Variants in LRRIQ1 observed in about 807,000 individuals in gnomAD.
LRRIQ1 encodes leucine-rich repeat- and IQ domain-containing protein 1.
Under a neutral mutation model 211.9 loss-of-function variants are expected in LRRIQ1, and 210 were observed. The observed-to-expected ratio is 0.99, with a 90% CI of 0.89 to 1.11. The LOEUF (loss-of-function observed/expected upper bound fraction) is 1.11. LRRIQ1 is among the 50% of genes most tolerant of loss of function. The probability of loss-of-function intolerance (pLI) is 0.00; values close to 1 mark genes in which losing one functional copy is unlikely to be tolerated. For synonymous variants in LRRIQ1, 699 were observed against 650.1 expected (o/e 1.08, Z -1.14); for missense variants, 2,136 against 1,939.5 (o/e 1.10, Z -1.90).
chr12:85,045,421 A>G (rs1879423072), intron 4 of LRRIQ1, among the ~76,000 whole-genome samples: 1 of 151,658 alleles, frequency 6.6e-6, no homozygotes, highest in Admixed American at 6.6e-5. Flanking sequence ...AAAATTTCTT[A>G]TATATCTCAT....
At chr12:85,151,012 C>G (rs907714485) in intron 19 of LRRIQ1, among the ~76,000 whole-genome samples, 1 of 151,280 alleles carries the variant, frequency 6.6e-6, no homozygotes, top group Admixed American at 6.6e-5. Flanking sequence ...CAAGAATATA[C>G]TATATTGTTA....
At chr12:85,078,331 G>A (rs1366370247) in intron 11 of LRRIQ1, among the ~76,000 whole-genome samples, 1 of 152,088 alleles carries the variant, frequency 6.6e-6, no homozygotes, top group Non-Finnish European at 1.5e-5. Flanking sequence ...ATAATGAGGT[G>A]AAGTTACCCT....
In LRRIQ1 at chr12:85,153,043, G is replaced by T. The variant is rs1276517991; in HGVS notation, c.4439G>T (p.Trp1480Leu). Residue 1480 changes from tryptophan (W) to leucine (L), a missense_variant, in exon 21 of 27, where the codon TGG (tryptophan) becomes TTG (leucine). Transcript: ENST00000393217. ...HWPKIPGNLK[W>L]DDTSFNLPSN... ...GAAAAGATTCCTGGAAACTTAAAAT[G>T]GGATGATACTTCATTTAATTTACCA... 1 of 1,558,118 alleles carries T rather than the reference G, an allele frequency of 6.4e-7. No homozygotes were observed. The highest frequency in any genetic ancestry group is 8.7e-7 in the Non-Finnish European group (1 of 1,145,556).
At chr12:85,051,363 G>A in intron 6 of LRRIQ1, among the ~76,000 whole-genome samples, 1 of 152,108 alleles carries the variant, frequency 6.6e-6, no homozygotes, top group Admixed American at 6.6e-5. Flanking sequence ...AGCCTCAGGT[G>A]TTCCTTTACA....
At chr12:85,052,314 C>A in intron 7 of LRRIQ1, 63 bp downstream of exon 7, 1 of 838,618 alleles carries the variant, frequency 1.2e-6, no homozygotes, top group Non-Finnish European at 1.9e-6. Flanking sequence ...CATTACTATG[C>A]TTGAAATGGT....
At position 85,198,592 on chromosome 12, in the gene LRRIQ1, GA is replaced by G. The variant is rs1471755065; in HGVS notation, c.4823-30924del. ...TTAAGCATTTTTTTTTTTTGAGACA[GA>G]GTCTCGCTCTGTTTCCCAGGCTGGA... On this transcript the variant is annotated intron_variant, in intron 24 of 26. Transcript: ENST00000393217. 2.7e-5 allele frequency among the ~76,000 whole-genome samples: 4 copies of G among 147,900 alleles called. No homozygotes were observed. In the Admixed American group the frequency reaches 2.7e-4, roughly 10 times the overall value.
intron 24 of LRRIQ1, among the ~76,000 whole-genome samples, chr12:85,175,304 G>A (rs920039028): frequency 1.3e-5 from 2 of 152,110 alleles, no homozygotes; most frequent in Non-Finnish European, 2.9e-5. Context: ...CGGGCTTAGA[G>A]AATAAACATT....
In LRRIQ1 at chr12:85,056,830, T is replaced by C. The variant is rs758356512; in HGVS notation, c.2037T>C (p.Gly679=). The C allele has an allele frequency of 6.2e-6, 10 of 1,612,944 alleles. No individual in the cohort carries two copies. In the South Asian group the frequency reaches 1.1e-4, roughly 18 times the overall value. Residue 679 remains glycine (G), a synonymous_variant, in exon 8 of 27, where the codon GGT becomes GGC. Coordinates refer to ENST00000393217, the MANE Select transcript of LRRIQ1 (RefSeq NM_001079910.2). Reference sequence around the variant, plus strand: ...GAAATGACCAAGATTATGTGTTAGGTAGACATGCTCCTTGTGAGGGCTTGA... The same window carrying C: ...GAAATGACCAAGATTATGTGTTAGGCAGACATGCTCCTTGTGAGGGCTTGA... ...GKRNDQDYVL[G]RHAPCEGLSN... is the part of the protein sequence containing the mutation.
At chr12:85,140,610 C>T (rs1206669083) in intron 19 of LRRIQ1, among the ~76,000 whole-genome samples, 1 of 151,088 alleles carries the variant, frequency 6.6e-6, no homozygotes, top group African/African-American at 2.4e-5. Flanking sequence ...ATCCTGATTA[C>T]TGCTTCCATT....
chr12:85,133,030 T>A (rs1888882169), intron 18 of LRRIQ1, among the ~76,000 whole-genome samples: 1 of 152,072 alleles, frequency 6.6e-6, no homozygotes, highest in South Asian at 2.1e-4. Context: ...TATACAATGT[T>A]AAATATCACA....
At chr12:85,209,281 G>A (rs971921157) in intron 24 of LRRIQ1, among the ~76,000 whole-genome samples, 4 of 152,176 alleles carry the variant, frequency 2.6e-5, no homozygotes, top group African/African-American at 7.2e-5. Context: ...CATGGCAGAA[G>A]GAGAAGCAAA....
chr12:85,098,450 T>C lies in LRRIQ1; in HGVS notation c.2983T>C (p.Tyr995His). The C allele has an allele frequency of 6.2e-7, 1 of 1,611,418 alleles. No individual in the cohort carries two copies. Among genetic ancestry groups the C allele is most frequent in the South Asian group, 1.1e-5 (1 of 91,030 alleles). ...KGLCDTPTIV[Y>H]LDCSHNHLTD... Reference sequence around the variant, plus strand: ...TCTTTGTGATACACCTACCATTGTATACCTAGATTGCTCCCATAATCATCT... The same window carrying C: ...TCTTTGTGATACACCTACCATTGTACACCTAGATTGCTCCCATAATCATCT... Residue 995 changes from tyrosine (Y) to histidine (H), a missense_variant, in exon 12 of 27, where the codon TAC (tyrosine) becomes CAC (histidine). Coordinates refer to ENST00000393217, the MANE Select transcript of LRRIQ1 (RefSeq NM_001079910.2).
intron 10 of LRRIQ1, among the ~76,000 whole-genome samples, chr12:85,068,425 T>C (rs1017279131): frequency 6.6e-6 from 1 of 151,946 alleles, no homozygotes; most frequent in African/African-American, 2.4e-5. Context: ...TTTATAAATG[T>C]ACAATAATAC....
chr12:85,223,183 T>C (rs909865320), intron 24 of LRRIQ1, among the ~76,000 whole-genome samples: 1 of 152,168 alleles, frequency 6.6e-6, no homozygotes, highest in Non-Finnish European at 1.5e-5. Context: ...TACCTAGTCC[T>C]CTCAGCTGTT....
chr12:85,232,709 C>T lies in LRRIQ1; in HGVS notation c.4969C>T (p.Pro1657Ser), dbSNP rs1374083394. The change falls in exon 26 of 27, where the codon CCT becomes TCT. Residue 1657 changes from proline (P) to serine (S), a missense_variant. Transcript: ENST00000393217. The part of the protein sequence containing the change: ...SRNMKCNHFL[P>S]ELDPDVLNGG... ...GTCACTATGCAGCAATCACTTTTTG[C>T]CTGAGTTAGATCCAGATGTACTTAA... 6.2e-7 allele frequency: 1 copy of T among 1,611,480 alleles called. No homozygotes were observed. Among genetic ancestry groups the T allele is most frequent in the South Asian group, 1.1e-5 (1 of 90,762 alleles).
chr12:85,091,433 C>G (rs1885378561), intron 11 of LRRIQ1, among the ~76,000 whole-genome samples: 1 of 152,054 alleles, frequency 6.6e-6, no homozygotes, highest in Non-Finnish European at 1.5e-5. Context: ...ATATTTTCTC[C>G]TATTCTATAG....
chr12:85,187,461 T>G (rs1318931569), intron 24 of LRRIQ1, among the ~76,000 whole-genome samples: 1 of 152,068 alleles, frequency 6.6e-6, no homozygotes, highest in African/African-American at 2.4e-5. Context: ...GAAATATTGC[T>G]CACAGTTCAA....
At chr12:85,253,771 G>A (rs1444497883) in intron 1 of LRRIQ1, among the ~76,000 whole-genome samples, 1 of 151,984 alleles carries the variant, frequency 6.6e-6, no homozygotes, top group East Asian at 1.9e-4. Flanking sequence ...ATGACTACAA[G>A]TATAAATTAT....
At chr12:85,078,860 T>A (rs1008226606) in intron 11 of LRRIQ1, among the ~76,000 whole-genome samples, 1 of 152,302 alleles carries the variant, frequency 6.6e-6, no homozygotes, top group East Asian at 1.9e-4. Context: ...GTTTTATTAA[T>A]TCATTTAGAA....
Sources: allele counts gnomAD v4.1 joint callset (sites outside exome capture counted in the v4.1 genomes callset), GRCh38; gene constraint gnomAD v4.1.1; transcripts MANE v1.5; gene names NCBI Gene and HGNC (gene_info 2026-07-23, HGNC 2026-07-21).